Variants in BRAF observed in about 807,000 individuals in gnomAD.
BRAF encodes serine/threonine-protein kinase B-raf.
A neutral mutation model predicts 104.6 loss-of-function variants in BRAF; 16 were observed. That is an observed-to-expected ratio of 0.15 (90% CI 0.10 to 0.23). BRAF has a LOEUF of 0.23. Among genes scored for constraint, BRAF ranks in the 10% least tolerant of loss-of-function variants. The pLI, the probability that BRAF is intolerant of heterozygous loss-of-function variation, is 1.00. For synonymous variants in BRAF, 310 were observed against 341.6 expected, an observed-to-expected ratio of 0.91 and a Z score of 1.02; for missense variants, 541 against 937.3, an observed-to-expected ratio of 0.58 and a Z score of 5.52.
chr7:140,814,641 G>A (rs1297586428), intron 3 of BRAF, among the ~76,000 whole-genome samples: 1 of 149,768 alleles, frequency 6.7e-6, no homozygotes, highest in Non-Finnish European at 1.5e-5. Context: ...CTCCAGCCTG[G>A]GTGACAGAGT....
At position 140,721,455 on chromosome 7, in the gene BRAF, A is replaced by C. The variant is rs1321751249; in HGVS notation, c.*5039T>G. 2 of 1,262,428 alleles carry C rather than the reference A, an allele frequency of 1.6e-6. No homozygotes were observed. The highest frequency in any genetic ancestry group is 2.0e-6 in the Non-Finnish European group (2 of 1,003,986). 78.2% of individuals were successfully genotyped at this position (1,262,428 alleles called of 1,614,324 possible). ...TCAATTTAAATGTCTTTGCCCAAAC[A>C]AAAGTGAAAATAGGTTATTTGAAAA... On this transcript the variant is annotated 3_prime_UTR_variant, in exon 20 of 20. Coordinates refer to ENST00000644969, the MANE Select transcript of BRAF (RefSeq NM_001374258.1).
intron 1 of BRAF, among the ~76,000 whole-genome samples, chr7:140,905,810 C>T (rs183616446): frequency 2.8e-4 from 43 of 152,088 alleles, no homozygotes; most frequent in African/African-American, 9.4e-4. Flanking sequence ...AAACATAGGC[C>T]GGGCGCGGTG....
chr7:140,818,221 C>A (rs1384164041), intron 3 of BRAF, among the ~76,000 whole-genome samples: 1 of 151,636 alleles, frequency 6.6e-6, no homozygotes, highest in African/African-American at 2.4e-5. Flanking sequence ...TAATATGAAG[C>A]AAATATAACA....
intron 1 of BRAF, among the ~76,000 whole-genome samples, chr7:140,865,874 A>G (rs1810907463): frequency 6.6e-6 from 1 of 152,234 alleles, no homozygotes. Context: ...AAAATAATCT[A>G]AAACTGAATA....
At chr7:140,869,385 C>T (rs1811315954) in intron 1 of BRAF, among the ~76,000 whole-genome samples, 1 of 152,150 alleles carries the variant, frequency 6.6e-6, no homozygotes, top group African/African-American at 2.4e-5. Context: ...GCAATCCCAG[C>T]ACTTTGGGAG....
At chr7:140,769,817 C>T (rs140516631) in intron 14 of BRAF, among the ~76,000 whole-genome samples, 8 of 152,236 alleles carry the variant, frequency 5.3e-5, no homozygotes, top group African/African-American at 1.9e-4. Context: ...TCAAGTGATC[C>T]TATTACCCTA....
At chr7:140,742,028 CAAG>C (rs757610289) in intron 17 of BRAF, among the ~76,000 whole-genome samples, 2 of 151,874 alleles carry the variant, frequency 1.3e-5, no homozygotes, top group South Asian at 4.2e-4. Context: ...CTTGTGGACA[CAAG>C]AGGTTTTCAA....
chr7:140,778,408 T>G (rs1376351200), intron 12 of BRAF, among the ~76,000 whole-genome samples: 1 of 152,172 alleles, frequency 6.6e-6, no homozygotes, highest in Non-Finnish European at 1.5e-5. Flanking sequence ...GCTTAATATT[T>G]ATTTACTAAC....
intron 5 of BRAF, among the ~76,000 whole-genome samples, chr7:140,803,944 G>T (rs1177345692): frequency 6.6e-6 from 1 of 152,138 alleles, no homozygotes; most frequent in Non-Finnish European, 1.5e-5. Flanking sequence ...GAGTACAGTG[G>T]CAGGATCTCG....
intron 3 of BRAF, among the ~76,000 whole-genome samples, chr7:140,809,656 T>C (rs1169940791): frequency 3.3e-4 from 50 of 152,154 alleles, no homozygotes; most frequent in Admixed American, 3.3e-3. Flanking sequence ...ACCCAAACAG[T>C]ACCTGAGTTC....
chr7:140,733,063 T>G (rs1389836742), intron 19 of BRAF: 1 of 152,226 alleles, frequency 6.6e-6, no homozygotes, highest in African/African-American at 2.4e-5. Flanking sequence ...TTCATTTTCT[T>G]AACTAAAGTC....
At chr7:140,846,751 C>T (rs546075493) in intron 2 of BRAF, among the ~76,000 whole-genome samples, 10 of 151,982 alleles carry the variant, frequency 6.6e-5, no homozygotes, top group East Asian at 5.8e-4. Context: ...ACCTGCAGAA[C>T]GGTGGGTCTC....
intron 3 of BRAF, among the ~76,000 whole-genome samples, 193 bp from the exon 4 acceptor site, chr7:140,809,188 A>T (rs1392637650): frequency 1.3e-5 from 2 of 152,234 alleles, no homozygotes. Flanking sequence ...CACCAACTTA[A>T]ATCAAAGCAA....
At chr7:140,763,033 C>G (rs572560699) in intron 14 of BRAF, among the ~76,000 whole-genome samples, 1 of 152,222 alleles carries the variant, frequency 6.6e-6, no homozygotes. Flanking sequence ...GGCAACCATC[C>G]GATTTCTCAA....
rs139058505 is a variant in BRAF, at chr7:140,800,310, A to G, written c.980+52T>C. 65 of 1,613,150 alleles carry G rather than the reference A, an allele frequency of 4.0e-5. No homozygotes were observed. In the African/African-American group the frequency reaches 5.6e-4, roughly 14 times the overall value. On this transcript the variant is annotated intron_variant, in intron 7 of 19. Coordinates refer to ENST00000644969, the MANE Select transcript of BRAF (RefSeq NM_001374258.1). ...GGTTTCTAATTAACCAGGAGATCCA[A>G]AAGAAAGCGGTTCAAGTAGCATGTC... is the stretch of plus-strand genomic sequence containing the variant.
chr7:140,866,365 T>A (rs1020232416), intron 1 of BRAF, among the ~76,000 whole-genome samples: 3 of 152,162 alleles, frequency 2.0e-5, no homozygotes, highest in African/African-American at 7.2e-5. Flanking sequence ...CCACATCCTA[T>A]CATTCCAAAA....
intron 8 of BRAF, among the ~76,000 whole-genome samples, chr7:140,792,249 T>A (rs140888104): frequency 6.6e-6 from 1 of 152,332 alleles, no homozygotes; most frequent in East Asian, 1.9e-4. Context: ...TTGACAGTCC[T>A]GCCTCTATGT....
chr7:140,910,911 C>T (rs1816897932), intron 1 of BRAF, among the ~76,000 whole-genome samples: 1 of 152,018 alleles, frequency 6.6e-6, no homozygotes, highest in South Asian at 2.1e-4. Flanking sequence ...GCAGTCGTCC[C>T]GCCTCAGCCT....
intron 2 of BRAF, among the ~76,000 whole-genome samples, chr7:140,847,808 A>G (rs1201064311): frequency 2.6e-5 from 4 of 152,148 alleles, no homozygotes; most frequent in Non-Finnish European, 5.9e-5. Flanking sequence ...ACTAAGCCAG[A>G]GTTGGGATTC....
Sources: allele counts gnomAD v4.1 joint callset (sites outside exome capture counted in the v4.1 genomes callset), GRCh38; gene constraint gnomAD v4.1.1; transcripts MANE v1.5; gene names NCBI Gene and HGNC (gene_info 2026-07-23, HGNC 2026-07-21).